CYFIP1: variants seen among roughly 807,000 people sequenced by gnomAD.
The protein encoded by CYFIP1 is cytoplasmic FMR1 interacting protein 1, also known as cytoplasmic FMR1-interacting protein 1.
A neutral mutation model predicts 163.5 loss-of-function variants in CYFIP1; 58 were observed. That is an observed-to-expected ratio of 0.35 (90% CI 0.29 to 0.44). The LOEUF is 0.44. Ranked by LOEUF, CYFIP1 falls within the 20% of genes least tolerant of loss-of-function variation. The probability of loss-of-function intolerance (pLI) is 1.00; values close to 1 mark genes in which losing one functional copy is unlikely to be tolerated. For synonymous variants in CYFIP1, 663 were observed against 660.7 expected (o/e 1.00, Z -0.05); for missense variants, 1,338 against 1,653.8 (o/e 0.81, Z 3.31).
chr15:22,888,839 G>A (rs1383936209), intron 23 of CYFIP1, among the ~76,000 whole-genome samples: 4 of 151,828 alleles, frequency 2.6e-5, no homozygotes, highest in Non-Finnish European at 4.4e-5. Context: ...TCAGGAGTTC[G>A]AGACCAGCCT....
intron 9 of CYFIP1, 80 bp downstream of exon 9, chr15:22,937,024 G>T: frequency 2.1e-6 from 2 of 950,358 alleles, no homozygotes; most frequent in Non-Finnish European, 3.4e-6. Context: ...ATAGATCACA[G>T]TCACACAGGG....
In CYFIP1 at chr15:22,888,884, T is replaced by C. The variant is rs149362541; in HGVS notation, c.2676+4006A>G. The stretch of plus-strand genomic sequence containing the variant: ...GGTGAAACCCTGTCTCGACTAAAAA[T>C]ACAAAAATTGGCCAGGCGTGGTGGC... On this transcript the variant is annotated intron_variant, in intron 23 of 30. Transcript: ENST00000617928. Among the ~76,000 whole-genome samples the C allele has an allele frequency of 9.6e-3, 1,448 of 150,628 alleles. 28 individuals carry two copies. Among genetic ancestry groups the C allele is most frequent in the African/African-American group, 0.033 (1,351 of 40,910 alleles).
chr15:22,882,027 G>A, intron 24 of CYFIP1, 91 bp from the exon 25 acceptor site: 8 of 1,112,192 alleles, frequency 7.2e-6, no homozygotes, highest in South Asian at 2.7e-5. Flanking sequence ...AAGTCTGTTA[G>A]CAAAGAGCTC....
chr15:22,913,527 CAAAAAAAA>C (rs35228444), intron 17 of CYFIP1, among the ~76,000 whole-genome samples: 2 of 10,286 alleles, frequency 1.9e-4, no homozygotes, highest in African/African-American at 7.9e-4. Context: ...GGCTCTGTCT[CAAAAAAAA>C]AAAAAAAAAA....
At chr15:22,873,357 G>T (rs913583715) in intron 29 of CYFIP1, 134 bp downstream of exon 29, 2 of 714,094 alleles carry the variant, frequency 2.8e-6, no homozygotes, top group South Asian at 1.8e-5. Context: ...ACTACAGGAG[G>T]CTTAAAAGCC....
chr15:22,952,480 G>A (rs73428748), intron 1 of CYFIP1, among the ~76,000 whole-genome samples: 26,124 of 151,164 alleles, frequency 0.17, 2,893 homozygotes, highest in East Asian at 0.51. Context: ...ATGGTGAAAC[G>A]CCATCTCTAC....
chr15:22,969,636 G>A (rs929482587), intron 1 of CYFIP1, among the ~76,000 whole-genome samples: 1 of 152,108 alleles, frequency 6.6e-6, no homozygotes, highest in Non-Finnish European at 1.5e-5. Flanking sequence ...ATAACAAAAT[G>A]ACAGATGTAA....
chr15:22,910,529 C>A lies in CYFIP1; in HGVS notation c.2259G>T (p.Arg753Ser). ...CCCGGCCCCAGCTCACCTGCACATG[C>A]CTCTGCTTCAGCAGCGTCTCGTAGC... ...SNRYETLLKQ[R>S]HVQLLGRSID... The change falls in exon 20 of 31, where the codon AGG becomes AGT. Residue 753 changes from arginine (R) to serine (S), a missense_variant. Transcript: ENST00000617928. 1 of 1,613,734 alleles carries A rather than the reference C, an allele frequency of 6.2e-7. No homozygotes were observed. Among genetic ancestry groups the A allele is most frequent in the Non-Finnish European group, 8.5e-7 (1 of 1,179,620 alleles).
At chr15:22,952,610 G>C (rs1233407123) in intron 1 of CYFIP1, among the ~76,000 whole-genome samples, 1 of 120,524 alleles carries the variant, frequency 8.3e-6, no homozygotes, top group Non-Finnish European at 1.6e-5. Flanking sequence ...AGCTGAGATC[G>C]CACCACTGCA....
At chr15:22,959,585 G>T (rs1193634268) in intron 1 of CYFIP1, among the ~76,000 whole-genome samples, 1 of 152,206 alleles carries the variant, frequency 6.6e-6, no homozygotes, top group African/African-American at 2.4e-5. Context: ...GACCTCGGGC[G>T]CTTGACAAAG....
At chr15:22,919,954 C>T (rs1430147374) in intron 13 of CYFIP1, among the ~76,000 whole-genome samples, 1 of 151,602 alleles carries the variant, frequency 6.6e-6, no homozygotes, top group Non-Finnish European at 1.5e-5. Flanking sequence ...CCTAGGAGTT[C>T]GAGGCTGCAG....
intron 16 of CYFIP1, 131 bp downstream of exon 16, chr15:22,916,346 G>A (rs2060980336): frequency 2.9e-6 from 2 of 701,676 alleles, no homozygotes; most frequent in Non-Finnish European, 4.8e-6. Flanking sequence ...CGCCACAGAG[G>A]GCAGGACGAG....
At chr15:22,951,472 A>C in intron 1 of CYFIP1, 1 of 1,289,256 alleles carries the variant, frequency 7.8e-7, no homozygotes, top group Non-Finnish European at 1.0e-6. Flanking sequence ...CCTCAGGGTG[A>C]TGCCGCTCGG....
At chr15:22,910,485 C>T (rs1320068830) in intron 20 of CYFIP1, 35 bp downstream of exon 20, 2 of 1,564,404 alleles carry the variant, frequency 1.3e-6, no homozygotes, top group African/African-American at 1.4e-5. Flanking sequence ...TCAATGCACA[C>T]TCTACGTCCC....
At chr15:22,940,502 C>A (rs1048461800) in intron 6 of CYFIP1, among the ~76,000 whole-genome samples, 18 of 152,190 alleles carry the variant, frequency 1.2e-4, no homozygotes, top group African/African-American at 4.3e-4. Flanking sequence ...GGAGAAATGA[C>A]AGCTGGAGCT....
At chr15:22,936,458 G>A (rs1193171293) in intron 9 of CYFIP1, among the ~76,000 whole-genome samples, 1 of 152,146 alleles carries the variant, frequency 6.6e-6, no homozygotes, top group Non-Finnish European at 1.5e-5. Flanking sequence ...CAATCTCAAT[G>A]CTGTACGCAT....
At chr15:22,919,427 T>C (rs575566811) in intron 13 of CYFIP1, among the ~76,000 whole-genome samples, 46 of 152,342 alleles carry the variant, frequency 3.0e-4, no homozygotes, top group Admixed American at 4.6e-4. Flanking sequence ...GAATAAACAA[T>C]TGAAGGTCAC....
intron 1 of CYFIP1, 55 bp from the exon 2 acceptor site, chr15:22,947,346 C>A: frequency 6.3e-7 from 1 of 1,588,440 alleles, no homozygotes; most frequent in Non-Finnish European, 8.6e-7. Context: ...GGACACCCAA[C>A]AAGCTTCGAG....
chr15:22,920,217 T>C (rs1488218121), intron 13 of CYFIP1, among the ~76,000 whole-genome samples: 2 of 124,058 alleles, frequency 1.6e-5, no homozygotes, highest in Non-Finnish European at 3.2e-5. Context: ...CAGACTGGAG[T>C]GCAGTGGCAT....
Sources: gnomAD v4.1 joint callset for allele counts (sites outside exome capture counted in the v4.1 genomes callset) on GRCh38, gnomAD v4.1.1 for gene constraint, MANE v1.5 for transcripts, NCBI Gene and HGNC (gene_info 2026-07-23, HGNC 2026-07-21) for gene names.